The following GRIK1 variants were observed in gnomAD, a reference collection of about 807,000 sequenced individuals.
GRIK1 encodes the protein glutamate ionotropic receptor kainate type subunit 1, also known as glutamate receptor ionotropic, kainate 1.
GRIK1 carries 69 observed loss-of-function variants against 105.7 expected under a neutral mutation model. That is an observed-to-expected ratio of 0.65 (90% CI 0.54 to 0.80). GRIK1 has a LOEUF of 0.80. Ranked by LOEUF, GRIK1 falls within the 30% of genes least tolerant of loss-of-function variation. The pLI is 0.00. For missense variants in GRIK1, 1,109 were observed against 1,167.3 expected (o/e 0.95, Z 0.73); for synonymous variants, 438 against 431.3 (o/e 1.02, Z -0.19).
At chr21:29,652,623 G>A (rs1335021503) in intron 5 of GRIK1, among the ~76,000 whole-genome samples, 2 of 152,094 alleles carry the variant, frequency 1.3e-5, no homozygotes, top group East Asian at 3.8e-4. Context: ...TTTAAGACAG[G>A]GTTATGTAAT....
intron 15 of GRIK1, among the ~76,000 whole-genome samples, chr21:29,560,346 TCTTTCTTTCTTTTTCTTTCTTC>T (rs2090382565): frequency 4.5e-5 from 5 of 110,000 alleles, no homozygotes; most frequent in South Asian, 2.8e-4. Flanking sequence ...TTTCTTTCTT[TCTTTCTTTCTTTTTCTTTCTTC>T]CTTCCTTCCT....
intron 1 of GRIK1, among the ~76,000 whole-genome samples, chr21:29,899,387 G>C (rs866055887): frequency 3.3e-5 from 5 of 152,286 alleles, no homozygotes; most frequent in Non-Finnish European, 2.9e-5. Context: ...TGCCTATGCA[G>C]GTTTGTCTGA....
intron 1 of GRIK1, among the ~76,000 whole-genome samples, chr21:29,705,492 T>C (rs79791749): frequency 0.014 from 2,195 of 152,354 alleles, 21 homozygotes; most frequent in Non-Finnish European, 0.023. Context: ...AGTGGAATTG[T>C]TGTCTTAAGA....
At chr21:29,553,385 G>A in intron 16 of GRIK1, 1 of 1,290,624 alleles carries the variant, frequency 7.7e-7, no homozygotes. Flanking sequence ...AACATACAGT[G>A]CAAGTATCTT....
chr21:29,689,918 A>T lies in GRIK1; in HGVS notation c.354T>A (p.Ala118=). 1 of 1,613,456 alleles carries T rather than the reference A, an allele frequency of 6.2e-7. No individual in the cohort carries two copies. Among genetic ancestry groups the T allele is most frequent in the South Asian group, 1.1e-5 (1 of 91,046 alleles). ...FGPSHSSSVS[A]VQSICNALEV... The stretch of plus-strand genomic sequence containing the variant: ...CGAGAGCATTGCAAATAGACTGCAC[A>T]GCACTGACGGAGGAGCTATGGGAAG... Residue 118 remains alanine (A), a synonymous_variant, in exon 3 of 18, where the codon GCT becomes GCA. Coordinates refer to ENST00000327783, the MANE Select transcript of GRIK1 (RefSeq NM_001330994.2).
chr21:29,687,739 G>A (rs1343442060), intron 3 of GRIK1, among the ~76,000 whole-genome samples: 1 of 152,228 alleles, frequency 6.6e-6, no homozygotes, highest in Non-Finnish European at 1.5e-5. Flanking sequence ...TGACATCAGA[G>A]AGTGGTTAGA....
At chr21:29,929,275 C>T (rs2071486726) in intron 1 of GRIK1, among the ~76,000 whole-genome samples, 1 of 152,166 alleles carries the variant, frequency 6.6e-6, no homozygotes, top group South Asian at 2.1e-4. Flanking sequence ...TTCACTATGG[C>T]AATCTGCAGG....
chr21:29,583,400 A>C (rs2091064213), intron 12 of GRIK1, among the ~76,000 whole-genome samples: 1 of 152,164 alleles, frequency 6.6e-6, no homozygotes. Context: ...ATAATTTAAA[A>C]ATATTAATTG....
intron 1 of GRIK1, among the ~76,000 whole-genome samples, chr21:29,849,515 T>C (rs1470767445): frequency 1.3e-5 from 2 of 152,192 alleles, no homozygotes; most frequent in South Asian, 2.1e-4. Context: ...CATCCTTCCT[T>C]AGAGCGTCAG....
At chr21:29,818,965 G>A (rs965664520) in intron 1 of GRIK1, among the ~76,000 whole-genome samples, 1 of 151,946 alleles carries the variant, frequency 6.6e-6, no homozygotes, top group Admixed American at 6.6e-5. Context: ...GGTCTACTAT[G>A]GTTATTATCC....
chr21:29,588,588 A>G (rs2061282104), intron 11 of GRIK1, among the ~76,000 whole-genome samples: 1 of 152,170 alleles, frequency 6.6e-6, no homozygotes, highest in Admixed American at 6.5e-5. Flanking sequence ...TCTCCTTTAT[A>G]AATTTCCCAG....
intron 1 of GRIK1, among the ~76,000 whole-genome samples, chr21:29,894,656 A>G (rs1338823973): frequency 1.3e-5 from 2 of 152,166 alleles, no homozygotes; most frequent in African/African-American, 4.8e-5. Flanking sequence ...TGAAGTTGAC[A>G]TTCAGTATCA....
At chr21:29,799,510 T>C (rs997273326) in intron 1 of GRIK1, among the ~76,000 whole-genome samples, 1 of 151,750 alleles carries the variant, frequency 6.6e-6, no homozygotes, top group Admixed American at 6.6e-5. Context: ...GTTTGTTTGT[T>C]TGTTTTCATT....
chr21:29,590,222 G>A (rs2061313127), intron 10 of GRIK1, among the ~76,000 whole-genome samples: 1 of 152,216 alleles, frequency 6.6e-6, no homozygotes, highest in African/African-American at 2.4e-5. Flanking sequence ...CAGTCATAGA[G>A]AAAGTAGTAA....
At chr21:29,628,651 A>C (rs548473774) in intron 7 of GRIK1, among the ~76,000 whole-genome samples, 1 of 152,208 alleles carries the variant, frequency 6.6e-6, no homozygotes, top group Non-Finnish European at 1.5e-5. Context: ...GCTTCTGTAC[A>C]TGCAAATCAA....
intron 1 of GRIK1, among the ~76,000 whole-genome samples, chr21:29,753,776 A>T (rs1055483170): frequency 2.0e-5 from 3 of 152,218 alleles, no homozygotes; most frequent in African/African-American, 4.8e-5. Context: ...GGTAAACAGT[A>T]TGAAGATCTA....
At chr21:29,562,358 A>G (rs947464364) in intron 14 of GRIK1, among the ~76,000 whole-genome samples, 8 of 152,168 alleles carry the variant, frequency 5.3e-5, no homozygotes, top group Non-Finnish European at 1.2e-4. Flanking sequence ...TAAAATTTAG[A>G]TAAGAAAAAT....
intron 1 of GRIK1, among the ~76,000 whole-genome samples, chr21:29,877,314 CT>C (rs1403759953): frequency 6.6e-6 from 1 of 152,058 alleles, no homozygotes; most frequent in Non-Finnish European, 1.5e-5. Flanking sequence ...TTATATAAAT[CT>C]ATTGCAGAGT....
At chr21:29,730,937 G>T (rs1217432191) in intron 1 of GRIK1, among the ~76,000 whole-genome samples, 1 of 152,162 alleles carries the variant, frequency 6.6e-6, no homozygotes, top group Non-Finnish European at 1.5e-5. Context: ...AGCAGTGATA[G>T]CAGCCATTTA....
Sources: gnomAD v4.1 joint callset for allele counts (sites outside exome capture counted in the v4.1 genomes callset) on GRCh38, gnomAD v4.1.1 for gene constraint, MANE v1.5 for transcripts, NCBI Gene and HGNC (gene_info 2026-07-23, HGNC 2026-07-21) for gene names.